ATR: variants seen among roughly 807,000 people sequenced by gnomAD.
ATR encodes ATR checkpoint kinase, also known as serine/threonine-protein kinase ATR.
A neutral mutation model predicts 305.3 loss-of-function variants in ATR; 142 were observed. The ratio of observed to expected loss-of-function variants is 0.47; its 90% CI spans 0.41 to 0.53. ATR has a LOEUF of 0.53. ATR is among the 20% of genes least tolerant of loss of function. The probability of loss-of-function intolerance (pLI) is 0.00; values close to 1 mark genes in which losing one functional copy is unlikely to be tolerated. For synonymous variants in ATR, 1,050 were observed against 1,068.1 expected (o/e 0.98, Z 0.33); for missense variants, 2,135 against 3,133.1 (o/e 0.68, Z 7.60).
Position 142,542,766 on chromosome 3 carries a change from T to A in ATR, c.3358-9A>T. On this transcript the variant is annotated splice_polypyrimidine_tract_variant and intron_variant, in intron 16 of 46. Transcript: ENST00000350721. ...GGTTGTAAATAATCAGCCTAAGAAA[T>A]AAAAACAGATAATATGTAAGCTTTA... The A allele has an allele frequency of 6.3e-7, 1 of 1,582,854 alleles. No individual in the cohort carries two copies. The highest frequency in any genetic ancestry group is 8.7e-7 in the Non-Finnish European group (1 of 1,153,124).
chr3:142,509,902 G>C (rs889232765), intron 27 of ATR, among the ~76,000 whole-genome samples: 1 of 152,152 alleles, frequency 6.6e-6, no homozygotes, highest in African/African-American at 2.4e-5. Flanking sequence ...GATCGCCTGA[G>C]CGCAGGAGTT....
intron 27 of ATR, among the ~76,000 whole-genome samples, chr3:142,510,879 C>T (rs2032515936): frequency 6.6e-6 from 1 of 151,446 alleles, no homozygotes; most frequent in African/African-American, 2.4e-5. Flanking sequence ...CTCATCAATG[C>T]TTATATCATA....
intron 24 of ATR, among the ~76,000 whole-genome samples, chr3:142,518,394 G>T (rs966867043): frequency 2.6e-5 from 4 of 152,150 alleles, no homozygotes; most frequent in Non-Finnish European, 5.9e-5. Context: ...GTGCACGCCT[G>T]TAATCCCAGC....
At chr3:142,480,349 C>A (rs2030334765) in intron 36 of ATR, among the ~76,000 whole-genome samples, 1 of 152,214 alleles carries the variant, frequency 6.6e-6, no homozygotes, top group Non-Finnish European at 1.5e-5. Context: ...TGCTGGAGAT[C>A]CACTCCAGAC....
intron 46 of ATR, chr3:142,451,125 A>G: frequency 2.4e-6 from 3 of 1,258,046 alleles, no homozygotes; most frequent in Non-Finnish European, 3.0e-6. Flanking sequence ...CTCAGGTGTA[A>G]TTCCCTCCTA....
intron 36 of ATR, among the ~76,000 whole-genome samples, chr3:142,475,927 C>T (rs1319464060): frequency 6.6e-6 from 1 of 152,052 alleles, no homozygotes; most frequent in Non-Finnish European, 1.5e-5. Flanking sequence ...TATCCTTCGC[C>T]CACTTTTTGA....
intron 21 of ATR, 112 bp downstream of exon 21, chr3:142,534,968 T>C (rs1577652231): frequency 1.6e-6 from 2 of 1,224,334 alleles, no homozygotes; most frequent in South Asian, 3.0e-5. Flanking sequence ...TCAGGTAAAA[T>C]AAAAATTTCT....
rs530565575 is a variant in ATR, at chr3:142,537,864, T to C, written c.3725+618A>G. On this transcript the variant is annotated intron_variant, in intron 19 of 46. Transcript: ENST00000350721. The stretch of plus-strand genomic sequence containing the variant: ...GTAATCCACACTGGCTATAGCCTAA[T>C]GCCTGTTTTGAAAAATTATGGGGGA... Among the ~76,000 whole-genome samples, 22 of 152,312 alleles carry C rather than the reference T, an allele frequency of 1.4e-4. No individual in the cohort carries two copies. In the South Asian group the frequency reaches 4.1e-3, roughly 29 times the overall value.
chr3:142,542,632 C>A, intron 17 of ATR, 33 bp downstream of exon 17: 1 of 1,536,574 alleles, frequency 6.5e-7, no homozygotes. Context: ...TGTATGAATT[C>A]TATCTTAGCA....
At chr3:142,578,110 T>C (rs1032153126) in intron 1 of ATR, among the ~76,000 whole-genome samples, 3 of 152,208 alleles carry the variant, frequency 2.0e-5, no homozygotes, top group African/African-American at 7.2e-5. Flanking sequence ...GTATGTACTA[T>C]GACTTCACTT....
chr3:142,557,540 C>T (rs752832681), intron 8 of ATR, among the ~76,000 whole-genome samples: 7 of 152,066 alleles, frequency 4.6e-5, no homozygotes, highest in Non-Finnish European at 7.4e-5. Flanking sequence ...TAAATAAATA[C>T]ATATATAGTA....
chr3:142,559,443 T>TA lies in ATR; in HGVS notation c.1542-3_1542-2insT, dbSNP rs779958536. 7.4e-6 allele frequency: 12 copies of TA among 1,612,610 alleles called. No individual in the cohort carries two copies. The East Asian group carries it at 2.7e-4, about 36-fold the overall frequency. On this transcript the variant is annotated splice_region_variant and splice_polypyrimidine_tract_variant and intron_variant, in intron 6 of 46. Coordinates refer to ENST00000350721, the MANE Select transcript of ATR (RefSeq NM_001184.4). ...TGTTGACAGTCCTTGAAAGTACGGC[T>TA]GCAGTAAGTACATTTTGTTAAAAAC...
intron 32 of ATR, among the ~76,000 whole-genome samples, chr3:142,498,390 A>G (rs2031763312): frequency 6.6e-6 from 1 of 152,198 alleles, no homozygotes; most frequent in Non-Finnish European, 1.5e-5. Flanking sequence ...TATGTTTTTC[A>G]TTAGTCTCAT....
At chr3:142,500,676 T>A (rs1307030138) in intron 30 of ATR, among the ~76,000 whole-genome samples, 4 of 152,186 alleles carry the variant, frequency 2.6e-5, no homozygotes, top group East Asian at 1.9e-4. Flanking sequence ...GTTTCATTTT[T>A]AAAAATTCTA....
chr3:142,500,172 C>T (rs1379188489), intron 30 of ATR: 18 of 172,196 alleles, frequency 1.0e-4, no homozygotes, highest in Non-Finnish European at 1.4e-4. Flanking sequence ...AGTGGTATAA[C>T]TTACGGACAG....
intron 12 of ATR, 53 bp from the exon 13 acceptor site, chr3:142,553,451 C>CACACACAT: frequency 6.6e-7 from 1 of 1,508,332 alleles, no homozygotes; most frequent in Non-Finnish European, 9.2e-7. Flanking sequence ...CACACACACA[C>CACACACAT]ACACACATAC....
At position 142,493,187 on chromosome 3, in the gene ATR, C is replaced by T. The variant is rs145569221; in HGVS notation, c.6023G>A (p.Arg2008Gln). Residue 2008 changes from arginine to glutamine, a missense_variant, in exon 35 of 47, where the codon CGA becomes CAA. By Grantham distance (43) the Arg-to-Gln change is conservative. This residue lies in a region of ATR where 462 missense variants were observed against 887.6 expected (regional missense o/e 0.52). Transcript: ENST00000350721. Reference protein sequence around the residue: ...IHGRAMLLVGRFMEETANFES... With the variant: ...IHGRAMLLVGQFMEETANFES... ...AAAGTTAGCTGTTTCTTCCATAAAT[C>T]GGCCCACTAGTAGCATAGCTCGACC... is the stretch of plus-strand genomic sequence containing the variant. 1.7e-5 allele frequency: 27 copies of T among 1,612,986 alleles called. No individual in the cohort carries two copies. Among genetic ancestry groups the T allele is most frequent in the Non-Finnish European group, 2.2e-5 (26 of 1,179,502 alleles).
intron 18 of ATR, among the ~76,000 whole-genome samples, chr3:142,539,027 TAAATA>T (rs2033959784): frequency 6.6e-6 from 1 of 152,096 alleles, no homozygotes; most frequent in Non-Finnish European, 1.5e-5. Context: ...ACTTTTAAAT[TAAATA>T]AAATAGAGGG....
chr3:142,487,204 A>G lies in ATR; in HGVS notation c.6079-1922T>C, dbSNP rs954090628. On this transcript the variant is annotated intron_variant, in intron 35 of 46. Coordinates refer to ENST00000350721, the MANE Select transcript of ATR (RefSeq NM_001184.4). ...CTGGCTGGTGTGCAGTGGCATGCTC[A>G]TGACTCCCTGCAGCCACAACTCCTA... Among the ~76,000 whole-genome samples the G allele has an allele frequency of 4.6e-5, 7 of 152,148 alleles. No individual in the cohort carries two copies. The South Asian group carries it at 8.3e-4, about 18-fold the overall frequency.
Sources: gnomAD v4.1 joint callset for allele counts (sites outside exome capture counted in the v4.1 genomes callset) on GRCh38, gnomAD v4.1.1 for gene constraint, gnomAD v4.1.1 regional missense constraint, MANE v1.5 for transcripts, NCBI Gene and HGNC (gene_info 2026-07-23, HGNC 2026-07-21) for gene names.